The following WDR97 variants were observed in gnomAD, a reference collection of about 807,000 sequenced individuals.
WDR97 encodes the protein WD repeat domain 97.
WDR97 carries 111 observed loss-of-function variants against 65.4 expected under a neutral mutation model. That is an observed-to-expected ratio of 1.70 (90% CI 1.45 to 1.99). WDR97 has a LOEUF of 1.99. Ranked by LOEUF, WDR97 falls within the 30% of genes most tolerant of loss-of-function variation. The pLI is 0.00. For synonymous variants in WDR97, 802 were observed against 397.7 expected (o/e 2.02, Z -12.10); for missense variants, 1,674 against 865.0 (o/e 1.94, Z -11.73).
At position 144,108,402 on chromosome 8, in the gene WDR97, G is replaced by A; in HGVS notation, c.336G>A (p.Ser112=). The stretch of plus-strand genomic sequence containing the variant: ...TGGAGGTGGCAGCCGGGCTGCGCTC[G>A]GTGGCGCAGGACCCGGTGGGTGGAC... ...RRLEVAAGLR[S]VAQDPVGGRF... Residue 112 remains serine, a synonymous_variant, in exon 3 of 24, where the codon TCG becomes TCA. Transcript: ENST00000323662. 1 of 698,402 alleles carries A rather than the reference G, an allele frequency of 1.4e-6. No homozygotes were observed. Among genetic ancestry groups the A allele is most frequent in the South Asian group, 1.5e-5 (1 of 67,412 alleles). The allele number at this position is 698,402 out of a possible 1,614,324, so 43.3% of individuals were successfully genotyped here.
rs1836538806 is a variant in WDR97, at chr8:144,111,109, C to T, written c.2313C>T (p.Cys771=). ...LPTSYLVKKM[C]RKAPDVVDDP... ...CTCCTTCCCCTATTCAGAAGATGTG[C>T]CGGAAGGCCCCAGACGTGGTGGACG... The change falls in exon 10 of 24, where the codon TGC becomes TGT. Residue 771 remains cysteine (C), a synonymous_variant. Transcript: ENST00000323662. 1.4e-6 allele frequency: 1 copy of T among 702,800 alleles called. No homozygotes were observed. Among genetic ancestry groups the T allele is most frequent in the Non-Finnish European group, 2.6e-6 (1 of 384,994 alleles). 43.5% of individuals were successfully genotyped at this position (702,800 alleles called of 1,614,324 possible).
chr8:144,114,528 A>G, intron 19 of WDR97, 26 bp from the exon 20 acceptor site: 1 of 700,980 alleles, frequency 1.4e-6, no homozygotes, highest in Non-Finnish European at 2.6e-6. Flanking sequence ...GGCCCTCAGC[A>G]ACCACATCCC....
chr8:144,115,904 G>A (rs1351050867), intron 22 of WDR97, 39 bp from the exon 23 acceptor site: 2 of 700,202 alleles, frequency 2.9e-6, no homozygotes, highest in Non-Finnish European at 5.2e-6. Flanking sequence ...GCAGCCAAGC[G>A]TGGGGCTGGG....
Position 144,109,516 on chromosome 8 carries a change from G to A in WDR97, c.1182G>A (p.Pro394=). ...GCCGTCTGCTGGCGCCGGTGCGCCC[G>A]GGCTGGCCGGTGCTGTCCCTGTGCG... is the stretch of plus-strand genomic sequence containing the variant. ...RVGRLLAPVR[P]GWPVLSLCAS... is the part of the protein sequence containing the mutation. The change falls in exon 5 of 24, where the codon CCG becomes CCA. Residue 394 remains proline, a synonymous_variant. Coordinates refer to ENST00000323662, the MANE Select transcript of WDR97 (RefSeq NM_001316309.2). 3 of 696,896 alleles carry A rather than the reference G, an allele frequency of 4.3e-6. No homozygotes were observed. The highest frequency in any genetic ancestry group is 7.8e-6 in the Non-Finnish European group (3 of 382,200). 43.2% of individuals were successfully genotyped at this position (696,896 alleles called of 1,614,324 possible).
chr8:144,110,860 C>T lies in WDR97; in HGVS notation c.2172-4C>T, dbSNP rs887165017. 5.7e-6 allele frequency: 4 copies of T among 702,812 alleles called. No individual in the cohort carries two copies. The Admixed American group carries it at 8.0e-5, about 14-fold the overall frequency. 43.5% of individuals were successfully genotyped at this position (702,812 alleles called of 1,614,324 possible). A position where few individuals can be genotyped will look rare whatever the true frequency, so the allele number is the denominator to read the frequency against. ...AGCCTCGGCTGCCCTGGGTGCCTCT[C>T]CAGGCTCCTGCAGCTGAATGGTGCC... On this transcript the variant is annotated splice_region_variant and splice_polypyrimidine_tract_variant and intron_variant, in intron 8 of 23. Transcript: ENST00000323662.
Position 144,110,844 on chromosome 8 carries a change from TG to T in WDR97, c.2172-19del, listed in dbSNP as rs1351751374. The T allele has an allele frequency of 1.4e-6, 1 of 702,712 alleles. No individual in the cohort carries two copies. The highest frequency in any genetic ancestry group is 2.6e-6 in the Non-Finnish European group (1 of 384,856). 43.5% of individuals were successfully genotyped at this position (702,712 alleles called of 1,614,324 possible). ...GGCCTTGTCCCTGCTGAGCCTCGGC[TG>T]CCCTGGGTGCCTCTCCAGGCTCCTG... is the stretch of plus-strand genomic sequence containing the variant. On this transcript the variant is annotated intron_variant, in intron 8 of 23. Coordinates refer to ENST00000323662, the MANE Select transcript of WDR97 (RefSeq NM_001316309.2).
In WDR97 at chr8:144,109,621, G is replaced by A; in HGVS notation, c.1287G>A (p.Gln429=). 1 of 683,572 alleles carries A rather than the reference G, an allele frequency of 1.5e-6. No individual in the cohort carries two copies. The highest frequency in any genetic ancestry group is 2.7e-6 in the Non-Finnish European group (1 of 376,584). The allele number at this position is 683,572 out of a possible 1,614,324, so 42.3% of individuals were successfully genotyped here. A position where few individuals can be genotyped will look rare whatever the true frequency, so the allele number is the denominator to read the frequency against. ...AQLPAKVLHV[Q]VAPALPAPAH... is the part of the protein sequence containing the mutation. ...TGCCCGCCAAGGTGCTCCACGTGCA[G>A]GTGGCGCCCGCGTTGCCCGCGCCTG... Residue 429 remains glutamine (Q), a synonymous_variant, in exon 5 of 24, where the codon CAG becomes CAA. Coordinates refer to ENST00000323662, the MANE Select transcript of WDR97 (RefSeq NM_001316309.2).
At chr8:144,111,029 C>A (rs775103951) in intron 9 of WDR97, 33 bp downstream of exon 9, 13 of 702,152 alleles carry the variant, frequency 1.9e-5, no homozygotes, top group Admixed American at 6.0e-5. Context: ...GCAAGGTGGG[C>A]CCCCCTTGCT....
Position 144,114,085 on chromosome 8 carries a change from G to A in WDR97, c.3517G>A (p.Gly1173Arg), listed in dbSNP as rs1467221615. The change falls in exon 18 of 24, where the codon GGG becomes AGG. Residue 1173 changes from glycine (G) to arginine (R), a missense_variant. Physicochemically the swap from Gly to Arg is moderately radical, Grantham distance 125. Transcript: ENST00000323662. ...HGSLLLDEHY[G>R]HLPKFLHFFI... ...GAGTTTGCTCTTGGATGAGCATTAC[G>A]GGCATCTGCCCAAGTTTCTGCATTT... The A allele has an allele frequency of 1.6e-5, 11 of 702,830 alleles. No homozygotes were observed. The highest frequency in any genetic ancestry group is 2.7e-5 in the East Asian group (1 of 37,294). The allele number at this position is 702,830 out of a possible 1,614,324, so 43.5% of individuals were successfully genotyped here.
At chr8:144,115,897 G>A in intron 22 of WDR97, 39 bp downstream of exon 22, 1 of 699,626 alleles carries the variant, frequency 1.4e-6, no homozygotes, top group Admixed American at 2.0e-5. Flanking sequence ...GCGTGGGGCA[G>A]CCAAGCGTGG....
rs546077086 is a variant in WDR97 at position 144,117,032 on chromosome 8, A to T, written c.*739A>T. The T allele has an allele frequency of 6.6e-6, 1 of 152,446 alleles. No homozygotes were observed. The highest frequency in any genetic ancestry group is 2.4e-5 in the African/African-American group (1 of 41,582). 9.4% of individuals were successfully genotyped at this position (152,446 alleles called of 1,614,324 possible). On this transcript the variant is annotated 3_prime_UTR_variant, in exon 24 of 24. Coordinates refer to ENST00000323662, the MANE Select transcript of WDR97 (RefSeq NM_001316309.2). Reference sequence around the variant, plus strand: ...GTCTGAGCAGTGATTTCCCTCCTGTATCTGTAGCCTCTGACTTTACTAGTT... The same window carrying T: ...GTCTGAGCAGTGATTTCCCTCCTGTTTCTGTAGCCTCTGACTTTACTAGTT...
Position 144,113,761 on chromosome 8 carries a change from G to T in WDR97, c.3288G>T (p.Glu1096Asp). The change falls in exon 17 of 24, where the codon GAG becomes GAT. Residue 1096 changes from glutamate (E) to aspartate (D), a missense_variant. Transcript: ENST00000323662. ...GGATGGGGGAGAAGCCTGGGGAGGA[G>T]GGGGAGGAAGACAAGAAGGAAGAGG... ...LQWMGEKPGE[E>D]GEEDKKEEEE... The T allele has an allele frequency of 5.7e-6, 4 of 702,456 alleles. No homozygotes were observed. Among genetic ancestry groups the T allele is most frequent in the Non-Finnish European group, 1.0e-5 (4 of 384,678 alleles). 43.5% of individuals were successfully genotyped at this position (702,456 alleles called of 1,614,324 possible).
In WDR97 at chr8:144,116,084, C is replaced by T. The variant is rs563498918; in HGVS notation, c.4667-7C>T. 684 of 693,244 alleles carry T rather than the reference C, an allele frequency of 9.9e-4. 5 individuals are homozygous for T. In the African/African-American group the frequency reaches 0.011, roughly 11 times the overall value. The allele number at this position is 693,244 out of a possible 1,614,324, so 42.9% of individuals were successfully genotyped here. A position where few individuals can be genotyped will look rare whatever the true frequency, so the allele number is the denominator to read the frequency against. On this transcript the variant is annotated splice_polypyrimidine_tract_variant and splice_region_variant and intron_variant, in intron 23 of 23. Transcript: ENST00000323662. ...CCCGGGCCTCATAAGCCTCCGCCCG[C>T]CCCCAGGCCCCATGCGGTCCCGGCT...
rs1181326537 is a variant in WDR97, at chr8:144,111,986, T to G, written c.2737T>G (p.Cys913Gly). The change falls in exon 13 of 24, where the codon TGT (cysteine) becomes GGT (glycine). Residue 913 changes from cysteine (C) to glycine (G), a missense_variant. Physicochemically the swap from Cys to Gly is radical, Grantham distance 159 (BLOSUM62 -3). Transcript: ENST00000323662. ...GTGTGCTGTACCCCAAGCTGCCCAC[T>G]GTCTTGCCCGGGCTGAGGTCAGCAC... ...DVCAVPQAAHCLARAEVSTAA... is the reference protein window; with the variant it reads ...DVCAVPQAAHGLARAEVSTAA... 5 of 702,546 alleles carry G rather than the reference T, an allele frequency of 7.1e-6. No individual in the cohort carries two copies. The highest frequency in any genetic ancestry group is 1.3e-5 in the Non-Finnish European group (5 of 384,948). The allele number at this position is 702,546 out of a possible 1,614,324, so 43.5% of individuals were successfully genotyped here. A position where few individuals can be genotyped will look rare whatever the true frequency, so the allele number is the denominator to read the frequency against.
At position 144,110,506 on chromosome 8, in the gene WDR97, T is replaced by G. The variant is rs1836525086; in HGVS notation, c.2009T>G (p.Val670Gly). The G allele has an allele frequency of 1.4e-6, 1 of 702,842 alleles. No individual in the cohort carries two copies. The highest frequency in any genetic ancestry group is 1.7e-5 in the African/African-American group (1 of 57,268). 43.5% of individuals were successfully genotyped at this position (702,842 alleles called of 1,614,324 possible). Reference sequence around the variant, plus strand: ...CCAGACAGCGCTACCTACGGCCTGGTGCAGTTTGGCCTGGGCGACAGTCCG... The same window carrying G: ...CCAGACAGCGCTACCTACGGCCTGGGGCAGTTTGGCCTGGGCGACAGTCCG... ...EDPDSATYGLVQFGLGDSPRL... is the reference protein window; with the variant it reads ...EDPDSATYGLGQFGLGDSPRL... The change falls in exon 7 of 24, where the codon GTG (valine) becomes GGG (glycine). Residue 670 changes from valine to glycine, a missense_variant. Transcript: ENST00000323662.
chr8:144,115,579 C>G lies in WDR97; in HGVS notation c.4316C>G (p.Ser1439Cys). The G allele has an allele frequency of 2.9e-6, 2 of 693,166 alleles. No homozygotes were observed. The highest frequency in any genetic ancestry group is 5.4e-5 in the East Asian group (2 of 37,036). The allele number at this position is 693,166 out of a possible 1,614,324, so 42.9% of individuals were successfully genotyped here. A position where few individuals can be genotyped will look rare whatever the true frequency, so the allele number is the denominator to read the frequency against. The change falls in exon 22 of 24, where the codon TCC becomes TGC. Residue 1439 changes from serine to cysteine, a missense_variant. Physicochemically the swap from Ser to Cys is moderately radical, Grantham distance 112. Transcript: ENST00000323662. ...CCTCAGCTCCGTCTCAGAGTGCTCT[C>G]CGAGACGCTGAAGAGCTTCTGCCTG... ...GTPQLRLRVL[S>C]ETLKSFCLEP...
Position 144,109,150 on chromosome 8 carries a change from T to G in WDR97, c.980T>G (p.Met327Arg). Residue 327 changes from methionine to arginine, a missense_variant, in exon 4 of 24, where the codon ATG becomes AGG. Coordinates refer to ENST00000323662, the MANE Select transcript of WDR97 (RefSeq NM_001316309.2). The part of the protein sequence containing the change: ...KVWEADWQIR[M>R]VFVGHTGPVT... Reference sequence around the variant, plus strand: ...TGGGAGGCTGACTGGCAGATCCGGATGGTGTTCGTGGGCCACACAGGTGCT... The same window carrying G: ...TGGGAGGCTGACTGGCAGATCCGGAGGGTGTTCGTGGGCCACACAGGTGCT... 1 of 702,922 alleles carries G rather than the reference T, an allele frequency of 1.4e-6. No homozygotes were observed. Among genetic ancestry groups the G allele is most frequent in the Non-Finnish European group, 2.6e-6 (1 of 384,992 alleles). 43.5% of individuals were successfully genotyped at this position (702,922 alleles called of 1,614,324 possible). A position where few individuals can be genotyped will look rare whatever the true frequency, so the allele number is the denominator to read the frequency against.
chr8:144,116,057 C>T (rs1038557827), intron 23 of WDR97, 34 bp from the exon 24 acceptor site: 4 of 695,076 alleles, frequency 5.8e-6, no homozygotes, highest in East Asian at 5.4e-5. Context: ...CCCACCCCAG[C>T]CCCCGGGCCT....
At chr8:144,113,601 G>T in intron 16 of WDR97, 56 bp from the exon 17 acceptor site, 1 of 662,674 alleles carries the variant, frequency 1.5e-6, no homozygotes, top group African/African-American at 1.8e-5. Context: ...TTGCCGGCAG[G>T]GGAGGGCTCT....
Sources: allele counts gnomAD v4.1 joint callset, GRCh38; gene constraint gnomAD v4.1.1; transcripts MANE v1.5; gene names NCBI Gene and HGNC (gene_info 2026-07-23, HGNC 2026-07-21).